Variants in BIN3 observed in about 807,000 individuals in gnomAD.
The protein encoded by BIN3 is bridging integrator 3.
In BIN3, 41 loss-of-function variants were observed where a neutral mutation model predicts 38.2. The observed-to-expected ratio is 1.07, with a 90% CI of 0.84 to 1.39. BIN3 has a LOEUF of 1.39. Among genes scored for constraint, BIN3 ranks in the 40% most tolerant of loss-of-function variants. The pLI is 0.00. For missense variants in BIN3, 361 were observed against 324.3 expected, an observed-to-expected ratio of 1.11 and a Z score of -0.87; for synonymous variants, 145 against 122.6, an observed-to-expected ratio of 1.18 and a Z score of -1.21.
intron 1 of BIN3, among the ~76,000 whole-genome samples, chr8:22,649,845 ACACACACACACACC>A (rs1423483849): frequency 6.6e-4 from 91 of 137,324 alleles, no homozygotes; most frequent in African/African-American, 2.5e-3. Flanking sequence ...ACACACACAC[ACACACACACACACC>A]CCCAAAGGAA....
At chr8:22,635,375 G>A (rs1368501907) in intron 4 of BIN3, among the ~76,000 whole-genome samples, 1 of 152,112 alleles carries the variant, frequency 6.6e-6, no homozygotes, top group Non-Finnish European at 1.5e-5. Flanking sequence ...GGTGCACGTG[G>A]GTTCTCGGTC....
chr8:22,622,683 C>A (rs1563939645), intron 8 of BIN3: 1 of 152,296 alleles, frequency 6.6e-6, no homozygotes, highest in Non-Finnish European at 1.5e-5. Context: ...GAGCCTGGCA[C>A]CCTGTGGCTT....
intron 1 of BIN3, among the ~76,000 whole-genome samples, chr8:22,656,279 G>C (rs962832827): frequency 3.7e-5 from 5 of 134,860 alleles, no homozygotes; most frequent in Middle Eastern, 4.2e-3. Context: ...TAAATATTAA[G>C]ATCCCAAAAT....
chr8:22,634,776 T>C (rs1282420185), intron 4 of BIN3, among the ~76,000 whole-genome samples: 1 of 152,052 alleles, frequency 6.6e-6, no homozygotes, highest in Admixed American at 6.6e-5. Flanking sequence ...GGTCACCTTC[T>C]AGTTTGGTGG....
At chr8:22,639,248 T>C (rs1450408022) in intron 2 of BIN3, among the ~76,000 whole-genome samples, 2 of 152,112 alleles carry the variant, frequency 1.3e-5, no homozygotes, top group Non-Finnish European at 2.9e-5. Context: ...TTTTTTTTTT[T>C]TGAGACAGGG....
At position 22,629,981 on chromosome 8, in the gene BIN3, C is replaced by G. The variant is rs1802133970; in HGVS notation, c.321G>C (p.Val107=). 1 of 1,609,456 alleles carries G rather than the reference C, an allele frequency of 6.2e-7. No individual in the cohort carries two copies. Among genetic ancestry groups the G allele is most frequent in the Non-Finnish European group, 8.5e-7 (1 of 1,177,780 alleles). ...QEKVNQIQKT[V]IEPLKKFGSV... is the part of the protein sequence containing the mutation. Reference sequence around the variant, plus strand: ...TTACTCACTTTTTTAAGGGCTCGATCACAGTCTTCTGGATCTGGTTCACCT... The same window carrying G: ...TTACTCACTTTTTTAAGGGCTCGATGACAGTCTTCTGGATCTGGTTCACCT... Residue 107 remains valine (V), a synonymous_variant, in exon 6 of 9, where the codon GTG becomes GTC. Transcript: ENST00000276416.
intron 4 of BIN3, among the ~76,000 whole-genome samples, 163 bp from the exon 5 acceptor site, chr8:22,630,741 G>A (rs1232193689): frequency 6.6e-6 from 1 of 152,206 alleles, no homozygotes; most frequent in African/African-American, 2.4e-5. Context: ...ACAAGCTGCT[G>A]ATCCCCATGG....
intron 6 of BIN3, among the ~76,000 whole-genome samples, chr8:22,627,979 C>A (rs558195846): frequency 2.9e-4 from 44 of 152,348 alleles, no homozygotes; most frequent in African/African-American, 9.9e-4. Flanking sequence ...CAAAGCATTA[C>A]CCATGATCAC....
intron 1 of BIN3, among the ~76,000 whole-genome samples, chr8:22,654,409 G>C (rs1236247213): frequency 6.6e-6 from 1 of 152,076 alleles, no homozygotes; most frequent in Non-Finnish European, 1.5e-5. Context: ...TATATTCCCA[G>C]AATTGTGCAA....
At chr8:22,661,185 CCT>C (rs1803224186) in intron 1 of BIN3, among the ~76,000 whole-genome samples, 1 of 152,016 alleles carries the variant, frequency 6.6e-6, no homozygotes. Context: ...TCGACTGGCC[CCT>C]GAGATTCCAT....
intron 1 of BIN3, among the ~76,000 whole-genome samples, chr8:22,664,165 T>G (rs901462438): frequency 4.6e-5 from 7 of 152,238 alleles, no homozygotes; most frequent in Non-Finnish European, 8.8e-5. Context: ...GTTTAACAGC[T>G]GACTCTAAAG....
rs138177615 is a variant in BIN3 at position 22,636,507 on chromosome 8, G to A, written c.160+18C>T. ...CCCCACCTGCTCAAGCGAGTGGTGCGGGTGGAAAGTCACCTACCCAGGTCT... is the reference window on the plus strand; with the variant it reads ...CCCCACCTGCTCAAGCGAGTGGTGCAGGTGGAAAGTCACCTACCCAGGTCT... On this transcript the variant is annotated intron_variant, in intron 4 of 8. Transcript: ENST00000276416. The A allele has an allele frequency of 9.7e-6, 15 of 1,551,306 alleles. No homozygotes were observed. Among genetic ancestry groups the A allele is most frequent in the Non-Finnish European group, 8.7e-6 (10 of 1,146,880 alleles).
In BIN3 at chr8:22,624,377, T is replaced by A. The variant is rs746851188; in HGVS notation, c.339-14A>T. 4 of 1,609,230 alleles carry A rather than the reference T, an allele frequency of 2.5e-6. No individual in the cohort carries two copies. Among genetic ancestry groups the A allele is most frequent in the Non-Finnish European group, 3.4e-6 (4 of 1,177,042 alleles). On this transcript the variant is annotated splice_polypyrimidine_tract_variant and intron_variant, in intron 6 of 8. Transcript: ENST00000276416. ...ACACTGCCGAACCTGTGGGACAAGC[T>A]GGCTGGAGATGGGCCCGTTCTTGAA...
At chr8:22,632,466 C>G (rs1307684211) in intron 4 of BIN3, among the ~76,000 whole-genome samples, 1 of 152,180 alleles carries the variant, frequency 6.6e-6, no homozygotes. Context: ...AATGTTGAAG[C>G]AACGGAGGGA....
chr8:22,651,230 T>C (rs1217561349), intron 1 of BIN3, among the ~76,000 whole-genome samples: 1 of 152,230 alleles, frequency 6.6e-6, no homozygotes, highest in Non-Finnish European at 1.5e-5. Context: ...TTCATTTGCT[T>C]GTCTACGTAC....
chr8:22,644,834 G>C, intron 1 of BIN3, 31 bp from the exon 2 acceptor site: 1 of 1,589,272 alleles, frequency 6.3e-7, no homozygotes, highest in Non-Finnish European at 8.6e-7. Context: ...GAGAGATATT[G>C]TGAGAAGTGG....
intron 2 of BIN3, among the ~76,000 whole-genome samples, chr8:22,641,533 G>A (rs181553229): frequency 6.6e-6 from 1 of 152,324 alleles, no homozygotes; most frequent in East Asian, 1.9e-4. Context: ...ATCGGAGTCT[G>A]AGAAGCCCAG....
intron 7 of BIN3, 63 bp downstream of exon 7, chr8:22,624,159 C>G (rs1419538140): frequency 2.5e-6 from 4 of 1,591,376 alleles, no homozygotes; most frequent in Non-Finnish European, 3.4e-6. Flanking sequence ...AGGGGAGGGA[C>G]TTACCACAGG....
chr8:22,657,758 G>A (rs1416699129), intron 1 of BIN3, among the ~76,000 whole-genome samples: 1 of 152,260 alleles, frequency 6.6e-6, no homozygotes, highest in African/African-American at 2.4e-5. Context: ...ACTTCAGCAG[G>A]CTCTTGTACC....
Sources: gnomAD v4.1 joint callset for allele counts (sites outside exome capture counted in the v4.1 genomes callset) on GRCh38, gnomAD v4.1.1 for gene constraint, MANE v1.5 for transcripts, NCBI Gene and HGNC (gene_info 2026-07-23, HGNC 2026-07-21) for gene names.